The following PPP1R12A variants were observed in gnomAD, a reference collection of about 807,000 sequenced individuals.
PPP1R12A encodes protein phosphatase 1 regulatory subunit 12A.
In PPP1R12A, 19 loss-of-function variants were observed where a neutral mutation model predicts 139.6. The observed-to-expected ratio is 0.14, with a 90% CI of 0.09 to 0.20. The LOEUF (loss-of-function observed/expected upper bound fraction) is 0.20. PPP1R12A is among the 10% of genes least tolerant of loss of function. The pLI is 1.00. For missense variants in PPP1R12A, 925 were observed against 1,211.5 expected (o/e 0.76, Z 3.51); for synonymous variants, 427 against 420.6 (o/e 1.02, Z -0.19).
intron 1 of PPP1R12A, among the ~76,000 whole-genome samples, chr12:79,908,223 C>A (rs1886284814): frequency 6.6e-6 from 1 of 152,282 alleles, no homozygotes; most frequent in African/African-American, 2.4e-5. Context: ...AAATTCATTT[C>A]TATTTAAAAC....
chr12:79,884,589 G>C lies in PPP1R12A; in HGVS notation c.238-11651C>G, dbSNP rs1182449942. On this transcript the variant is annotated intron_variant, in intron 1 of 24. Coordinates refer to ENST00000450142, the MANE Select transcript of PPP1R12A (RefSeq NM_002480.3). ...GGAGAATCAAAAGCTAACACATGTA[G>C]CACATTAAGAAAAACAAGACTTGCT... 2.0e-5 allele frequency among the ~76,000 whole-genome samples: 3 copies of C among 152,190 alleles called. 1 individual carries two copies. The highest frequency in any genetic ancestry group is 6.5e-5 in the Admixed American group (1 of 15,282).
intron 14 of PPP1R12A, among the ~76,000 whole-genome samples, chr12:79,804,419 C>T (rs1873569553): frequency 6.6e-6 from 1 of 151,828 alleles, no homozygotes; most frequent in South Asian, 2.1e-4. Flanking sequence ...TAAATTTCAC[C>T]ATAGAAATAG....
chr12:79,891,329 T>G (rs532198282), intron 1 of PPP1R12A, among the ~76,000 whole-genome samples: 1 of 152,134 alleles, frequency 6.6e-6, no homozygotes, highest in Admixed American at 6.5e-5. Context: ...TAAGGGGAGT[T>G]GAGGAAACAG....
intron 6 of PPP1R12A, 86 bp from the exon 7 acceptor site, chr12:79,821,252 G>A (rs1876059759): frequency 1.1e-6 from 1 of 909,484 alleles, no homozygotes; most frequent in Admixed American, 2.4e-5. Flanking sequence ...TAACAAAGTA[G>A]TTTTTCAGAC....
intron 1 of PPP1R12A, among the ~76,000 whole-genome samples, chr12:79,931,916 T>C (rs1274690324): frequency 6.6e-6 from 1 of 152,198 alleles, no homozygotes; most frequent in African/African-American, 2.4e-5. Flanking sequence ...GAAGACTGGA[T>C]ATCTTTTATA....
At chr12:79,843,007 G>A (rs967610188) in intron 3 of PPP1R12A, among the ~76,000 whole-genome samples, 9 of 151,904 alleles carry the variant, frequency 5.9e-5, no homozygotes, top group African/African-American at 1.7e-4. Context: ...CTATGAATTT[G>A]ACTATTCTAG....
At chr12:79,814,414 T>C (rs1484630698) in intron 9 of PPP1R12A, among the ~76,000 whole-genome samples, 1 of 145,670 alleles carries the variant, frequency 6.9e-6, no homozygotes, top group African/African-American at 2.6e-5. Context: ...GAGGCGGAGC[T>C]TGCAGTGAGC....
intron 1 of PPP1R12A, among the ~76,000 whole-genome samples, chr12:79,875,860 T>G (rs1253572279): frequency 6.6e-6 from 1 of 152,176 alleles, no homozygotes; most frequent in Admixed American, 6.5e-5. Context: ...AAGACAGTAC[T>G]TAACCACCAA....
intron 1 of PPP1R12A, among the ~76,000 whole-genome samples, chr12:79,925,051 C>T (rs1181492796): frequency 1.3e-5 from 2 of 151,874 alleles, no homozygotes; most frequent in Non-Finnish European, 2.9e-5. Flanking sequence ...TTTAAAAACT[C>T]TCCTGAAAGA....
chr12:79,853,099 G>T (rs560354158), intron 2 of PPP1R12A, among the ~76,000 whole-genome samples: 1 of 152,200 alleles, frequency 6.6e-6, no homozygotes, highest in Admixed American at 6.5e-5. Context: ...TAACAGCTTG[G>T]TGAGGATGGA....
rs781323704 is a variant in PPP1R12A, at chr12:79,778,472, T to TA, written c.3006+77dup. 6.2e-5 allele frequency: 62 copies of TA among 1,001,450 alleles called. No homozygotes were observed. In the East Asian group the frequency reaches 1.3e-3, roughly 21 times the overall value. 62.0% of individuals were successfully genotyped at this position (1,001,450 alleles called of 1,614,324 possible). A position where few individuals can be genotyped will look rare whatever the true frequency, so the allele number is the denominator to read the frequency against. On this transcript the variant is annotated intron_variant, in intron 24 of 24. Coordinates refer to ENST00000450142, the MANE Select transcript of PPP1R12A (RefSeq NM_002480.3). ...TAATCAGCTTTGAGAACAATTAATG[T>TA]AAACCATATCTATAATAGTATTTTA...
chr12:79,776,545 C>T (rs1869748170), intron 24 of PPP1R12A, among the ~76,000 whole-genome samples: 3 of 151,872 alleles, frequency 2.0e-5, no homozygotes, highest in African/African-American at 2.4e-5. Context: ...AAACAATGTC[C>T]GATCCCAGAT....
At chr12:79,793,169 T>C (rs919086056) in intron 19 of PPP1R12A, among the ~76,000 whole-genome samples, 1 of 152,194 alleles carries the variant, frequency 6.6e-6, no homozygotes, top group South Asian at 2.1e-4. Flanking sequence ...TCTATCCTCA[T>C]ATGAACAGAA....
chr12:79,826,872 G>A (rs1259275963), intron 5 of PPP1R12A, among the ~76,000 whole-genome samples: 3 of 152,074 alleles, frequency 2.0e-5, no homozygotes, highest in Admixed American at 6.5e-5. Flanking sequence ...GTTCTCATCC[G>A]GAGGCTACTG....
intron 1 of PPP1R12A, among the ~76,000 whole-genome samples, chr12:79,908,774 A>G (rs997589582): frequency 6.6e-6 from 1 of 152,218 alleles, no homozygotes; most frequent in African/African-American, 2.4e-5. Context: ...GTGTTCAGAT[A>G]AAGTTATTTA....
chr12:79,891,589 T>C (rs1205854970), intron 1 of PPP1R12A, among the ~76,000 whole-genome samples: 1 of 152,212 alleles, frequency 6.6e-6, no homozygotes, highest in Non-Finnish European at 1.5e-5. Flanking sequence ...AAGGTGGCAA[T>C]GATCACTACC....
chr12:79,901,862 A>G (rs1885671755), intron 1 of PPP1R12A, among the ~76,000 whole-genome samples: 1 of 152,180 alleles, frequency 6.6e-6, no homozygotes, highest in Admixed American at 6.5e-5. Flanking sequence ...AATAAGACAC[A>G]GAGTCAGGGA....
chr12:79,793,904 GTTGTTC>G lies in PPP1R12A; in HGVS notation c.2602_2607del (p.Glu868_Gln869del). ...TTGGATCCCTCTTCTGTGTCTGATT[GTTGTTC>G]TTGTTCATTTTCATCACTCTAAAAA... On this transcript the variant is annotated inframe_deletion, in exon 19 of 25. Coordinates refer to ENST00000450142, the MANE Select transcript of PPP1R12A (RefSeq NM_002480.3). The G allele has an allele frequency of 1.3e-6, 2 of 1,592,280 alleles. No homozygotes were observed. The highest frequency in any genetic ancestry group is 1.7e-6 in the Non-Finnish European group (2 of 1,170,842).
chr12:79,836,757 T>G (rs934414547), intron 3 of PPP1R12A, among the ~76,000 whole-genome samples: 2 of 152,196 alleles, frequency 1.3e-5, no homozygotes, highest in Admixed American at 6.5e-5. Context: ...GCTTTCTAAG[T>G]TCAGTGCTTT....
Sources: gnomAD v4.1 joint callset for allele counts (sites outside exome capture counted in the v4.1 genomes callset) on GRCh38, gnomAD v4.1.1 for gene constraint, MANE v1.5 for transcripts, NCBI Gene and HGNC (gene_info 2026-07-23, HGNC 2026-07-21) for gene names.